The following ARL15 variants were observed in gnomAD, a reference collection of about 807,000 sequenced individuals.
ARL15 encodes the protein ADP-ribosylation factor-like protein 15.
A neutral mutation model predicts 25.2 loss-of-function variants in ARL15; 19 were observed. That is an observed-to-expected ratio of 0.75 (90% CI 0.53 to 1.10). The LOEUF (loss-of-function observed/expected upper bound fraction) is 1.10, where lower values mean the gene tolerates loss of function less well. ARL15 is among the 50% of genes least tolerant of loss of function. The pLI, the probability that ARL15 is intolerant of heterozygous loss-of-function variation, is 0.00. For synonymous variants in ARL15, 94 were observed against 86.8 expected, an observed-to-expected ratio of 1.08 and a Z score of -0.46; for missense variants, 220 against 246.0, an observed-to-expected ratio of 0.89 and a Z score of 0.71.
At chr5:54,069,651 T>G (rs1291279626) in intron 4 of ARL15, among the ~76,000 whole-genome samples, 3 of 151,748 alleles carry the variant, frequency 2.0e-5, no homozygotes, top group Non-Finnish European at 4.4e-5. Context: ...CTTTTTTTTA[T>G]TTTTTATTTT....
At chr5:54,059,888 T>C (rs564164683) in intron 4 of ARL15, among the ~76,000 whole-genome samples, 3 of 152,228 alleles carry the variant, frequency 2.0e-5, no homozygotes, top group Admixed American at 1.3e-4. Context: ...TAGAAATAGT[T>C]GAAAAGTTCC....
intron 4 of ARL15, among the ~76,000 whole-genome samples, chr5:54,026,291 C>G (rs1465433974): frequency 6.6e-6 from 1 of 152,084 alleles, no homozygotes; most frequent in Middle Eastern, 3.2e-3. Context: ...TTTTTTGAGA[C>G]AGGGTCTCAC....
chr5:54,071,194 C>A (rs116262965), intron 4 of ARL15, among the ~76,000 whole-genome samples: 1 of 151,786 alleles, frequency 6.6e-6, no homozygotes, highest in South Asian at 2.1e-4. Flanking sequence ...AAATACATTT[C>A]TTTTGTTTAT....
intron 4 of ARL15, among the ~76,000 whole-genome samples, chr5:54,062,813 G>GA (rs1310654123): frequency 1.3e-5 from 2 of 152,048 alleles, no homozygotes; most frequent in East Asian, 1.9e-4. Context: ...GCCCAGGAAT[G>GA]AAAAAATGGG....
chr5:54,231,862 T>A (rs1756680216), intron 1 of ARL15, among the ~76,000 whole-genome samples: 1 of 152,006 alleles, frequency 6.6e-6, no homozygotes, highest in Non-Finnish European at 1.5e-5. Flanking sequence ...TAACCCTAAT[T>A]CCCTCCATAT....
At chr5:54,117,364 G>GACACACACACACAC (rs776020187) in intron 3 of ARL15, among the ~76,000 whole-genome samples, 42 of 91,030 alleles carry the variant, frequency 4.6e-4, no homozygotes, top group South Asian at 3.4e-3. Context: ...CAAATAGTGA[G>GACACACACACACAC]ACACATACAC....
At chr5:54,270,737 A>C (rs1757763606) in intron 1 of ARL15, among the ~76,000 whole-genome samples, 1 of 152,198 alleles carries the variant, frequency 6.6e-6, no homozygotes. Context: ...TCTCTACTCT[A>C]AAGAACTGTA....
intron 1 of ARL15, among the ~76,000 whole-genome samples, chr5:54,263,137 GT>G (rs1554051267): frequency 1.5e-4 from 22 of 149,610 alleles, no homozygotes; most frequent in South Asian, 6.4e-4. Context: ...CAATATTTTA[GT>G]TTTTTTTTTA....
chr5:54,214,876 C>T (rs1277077229), intron 1 of ARL15, among the ~76,000 whole-genome samples: 1 of 152,168 alleles, frequency 6.6e-6, no homozygotes, highest in Non-Finnish European at 1.5e-5. Context: ...GCAGCCTGGC[C>T]AGACTTGGGA....
intron 1 of ARL15, among the ~76,000 whole-genome samples, chr5:54,254,969 T>C (rs1487353989): frequency 1.3e-5 from 2 of 152,190 alleles, no homozygotes; most frequent in African/African-American, 2.4e-5. Context: ...AAATCCTCAC[T>C]CCAGTCCCGT....
At chr5:53,996,351 G>C (rs544022018) in intron 4 of ARL15, among the ~76,000 whole-genome samples, 7 of 152,274 alleles carry the variant, frequency 4.6e-5, no homozygotes, top group African/African-American at 1.7e-4. Flanking sequence ...GGGTGCAGTG[G>C]CTCACACCTG....
chr5:54,250,604 T>C (rs894438247), intron 1 of ARL15, among the ~76,000 whole-genome samples: 1 of 152,104 alleles, frequency 6.6e-6, no homozygotes, highest in African/African-American at 2.4e-5. Context: ...GTGATTTTGG[T>C]GGTCTTGATG....
intron 4 of ARL15, among the ~76,000 whole-genome samples, chr5:54,035,066 T>C (rs190089637): frequency 8.5e-5 from 13 of 152,154 alleles, no homozygotes; most frequent in South Asian, 8.3e-4. Flanking sequence ...GCTGAGAACA[T>C]AGGCAAGACA....
chr5:54,277,953 A>G (rs1037353658), intron 1 of ARL15, among the ~76,000 whole-genome samples: 6 of 152,242 alleles, frequency 3.9e-5, no homozygotes, highest in African/African-American at 1.4e-4. Flanking sequence ...TGGCTTCCGT[A>G]TGCTTCAAAC....
intron 1 of ARL15, among the ~76,000 whole-genome samples, chr5:54,172,586 T>C (rs561757974): frequency 3.3e-5 from 5 of 152,292 alleles, no homozygotes; most frequent in African/African-American, 1.2e-4. Context: ...TAATTATTTA[T>C]AATACCTCTA....
intron 4 of ARL15, among the ~76,000 whole-genome samples, chr5:53,914,708 C>T (rs138604683): frequency 6.6e-6 from 1 of 152,374 alleles, no homozygotes; most frequent in African/African-American, 2.4e-5. Flanking sequence ...AGAGTGTTCA[C>T]TGAATGGAAC....
intron 4 of ARL15, among the ~76,000 whole-genome samples, chr5:53,933,447 C>A (rs1280647851): frequency 1.3e-5 from 2 of 151,896 alleles, no homozygotes; most frequent in Admixed American, 1.3e-4. Context: ...AGATCGAGAC[C>A]ATTCTGGCTA....
At chr5:53,927,921 G>C (rs773894627) in intron 4 of ARL15, among the ~76,000 whole-genome samples, 3 of 152,234 alleles carry the variant, frequency 2.0e-5, no homozygotes, top group African/African-American at 7.2e-5. Context: ...TAACCACCCC[G>C]GGCTTCATCT....
At position 54,128,289 on chromosome 5, in the gene ARL15, G is replaced by C. The variant is rs543745752; in HGVS notation, c.254-14879C>G. On this transcript the variant is annotated intron_variant, in intron 3 of 4. Transcript: ENST00000504924. ...ATTATCTCTTCAATTTCAAAAGCTA[G>C]ACACACAACAAAGCATCAGTTTTTA... Among the ~76,000 whole-genome samples the C allele has an allele frequency of 5.9e-5, 9 of 152,238 alleles. No homozygotes were observed. In the South Asian group the frequency reaches 1.9e-3, roughly 32 times the overall value.
Sources: gnomAD v4.1 joint callset for allele counts (sites outside exome capture counted in the v4.1 genomes callset) on GRCh38, gnomAD v4.1.1 for gene constraint, MANE v1.5 for transcripts, NCBI Gene and HGNC (gene_info 2026-07-23, HGNC 2026-07-21) for gene names.